SLC35F3: variants seen among roughly 807,000 people sequenced by gnomAD.
SLC35F3 encodes solute carrier family 35 member F3, also known as putative thiamine transporter SLC35F3.
A neutral mutation model predicts 49.9 loss-of-function variants in SLC35F3; 25 were observed. The observed-to-expected ratio is 0.50, with a 90% CI of 0.37 to 0.70. SLC35F3 has a LOEUF of 0.70. Among genes scored for constraint, SLC35F3 ranks in the 30% least tolerant of loss-of-function variants. SLC35F3 has a pLI of 0.00. For missense variants in SLC35F3, 525 were observed against 639.8 expected (o/e 0.82, Z 1.94); for synonymous variants, 275 against 265.4 (o/e 1.04, Z -0.35).
intron 2 of SLC35F3, among the ~76,000 whole-genome samples, chr1:233,914,697 C>A (rs1661939073): frequency 6.6e-6 from 1 of 152,146 alleles, no homozygotes; most frequent in Non-Finnish European, 1.5e-5. Context: ...GATGTGGACA[C>A]CCAGTCACTT....
chr1:234,126,313 T>C (rs1011515522), intron 2 of SLC35F3, among the ~76,000 whole-genome samples: 1 of 152,230 alleles, frequency 6.6e-6, no homozygotes, highest in Non-Finnish European at 1.5e-5. Flanking sequence ...AAAGTTTTAA[T>C]TGAAATAGTT....
chr1:234,088,585 C>G (rs1439203510), intron 2 of SLC35F3, among the ~76,000 whole-genome samples: 1 of 152,164 alleles, frequency 6.6e-6, no homozygotes, highest in Non-Finnish European at 1.5e-5. Flanking sequence ...TATTTGCTAA[C>G]TCAATAGAAG....
At chr1:234,058,541 A>T (rs2102861322) in intron 2 of SLC35F3, among the ~76,000 whole-genome samples, 1 of 151,634 alleles carries the variant, frequency 6.6e-6, no homozygotes, top group Admixed American at 6.6e-5. Flanking sequence ...ACAGGGTCTC[A>T]CTCTGTTTCC....
At chr1:233,938,045 A>G (rs1662362071) in intron 2 of SLC35F3, among the ~76,000 whole-genome samples, 1 of 152,234 alleles carries the variant, frequency 6.6e-6, no homozygotes, top group Non-Finnish European at 1.5e-5. Flanking sequence ...GCCTTGAATC[A>G]ATGCCATTGC....
chr1:233,954,708 A>C (rs1272788053), intron 2 of SLC35F3, among the ~76,000 whole-genome samples: 1 of 152,152 alleles, frequency 6.6e-6, no homozygotes, highest in Non-Finnish European at 1.5e-5. Flanking sequence ...TGAGATTAGG[A>C]CAGACATGGT....
chr1:234,204,977 C>G (rs1013092175), intron 2 of SLC35F3, among the ~76,000 whole-genome samples: 3 of 152,236 alleles, frequency 2.0e-5, no homozygotes, highest in Non-Finnish European at 2.9e-5. Context: ...TGCAGCTACT[C>G]TTCTGGTGAC....
chr1:234,036,132 A>AGTGG (rs1325953362), intron 2 of SLC35F3, among the ~76,000 whole-genome samples: 1 of 152,190 alleles, frequency 6.6e-6, no homozygotes, highest in Non-Finnish European at 1.5e-5. Context: ...GTTGGAGTGC[A>AGTGG]GTGGCATGAT....
Position 233,913,042 on chromosome 1 carries a change from A to C in SLC35F3, c.283+7284A>C, listed in dbSNP as rs894903520. Among the ~76,000 whole-genome samples the C allele has an allele frequency of 2.0e-5, 3 of 152,336 alleles. No homozygotes were observed. In the South Asian group the frequency reaches 6.2e-4, roughly 32 times the overall value. On this transcript the variant is annotated intron_variant, in intron 2 of 7. Transcript: ENST00000366618. Reference sequence around the variant, plus strand: ...GCCCTAAAAGCTTACTTACTGGAGTAGGTAAAATCTGAAGTGTTTATATGG... The same window carrying C: ...GCCCTAAAAGCTTACTTACTGGAGTCGGTAAAATCTGAAGTGTTTATATGG...
intron 2 of SLC35F3, among the ~76,000 whole-genome samples, chr1:233,927,535 G>T (rs190621223): frequency 1.3e-5 from 2 of 152,026 alleles, no homozygotes; most frequent in Non-Finnish European, 2.9e-5. Flanking sequence ...ACTAAGAGAC[G>T]CATTCTAATA....
chr1:234,099,959 A>G (rs1025409120), intron 2 of SLC35F3, among the ~76,000 whole-genome samples: 1 of 152,234 alleles, frequency 6.6e-6, no homozygotes, highest in African/African-American at 2.4e-5. Context: ...TGGAGTGTCA[A>G]TGAGTCTTAA....
At chr1:234,009,745 T>TAA in intron 2 of SLC35F3, among the ~76,000 whole-genome samples, 1 of 151,824 alleles carries the variant, frequency 6.6e-6, no homozygotes, top group East Asian at 1.9e-4. Context: ...TGTGATGCTT[T>TAA]AAAAAAAAAT....
chr1:234,146,202 CT>C (rs1420917708), intron 2 of SLC35F3, among the ~76,000 whole-genome samples: 2 of 151,970 alleles, frequency 1.3e-5, no homozygotes, highest in Non-Finnish European at 2.9e-5. Flanking sequence ...CTGAATTCCA[CT>C]GCATAAATTT....
At chr1:234,277,171 GAAACT>G (rs1260987936) in intron 3 of SLC35F3, among the ~76,000 whole-genome samples, 1 of 152,230 alleles carries the variant, frequency 6.6e-6, no homozygotes, top group Non-Finnish European at 1.5e-5. Flanking sequence ...TCCAATGAGA[GAAACT>G]AAATCCAGCT....
intron 3 of SLC35F3, among the ~76,000 whole-genome samples, chr1:234,268,366 T>C (rs560659570): frequency 6.6e-6 from 1 of 151,056 alleles, no homozygotes; most frequent in East Asian, 2.0e-4. Flanking sequence ...GTCAGGAGAA[T>C]CAGGCAGGGA....
chr1:234,035,378 T>C (rs1664126196), intron 2 of SLC35F3, among the ~76,000 whole-genome samples: 1 of 152,162 alleles, frequency 6.6e-6, no homozygotes. Flanking sequence ...TCCTGACCTT[T>C]GAATATACCT....
Position 234,231,556 on chromosome 1 carries a change from C to A in SLC35F3, c.423C>A (p.Val141=), listed in dbSNP as rs561314999. 1 of 1,614,102 alleles carries A rather than the reference C, an allele frequency of 6.2e-7. No individual in the cohort carries two copies. The highest frequency in any genetic ancestry group is 1.3e-5 in the African/African-American group (1 of 75,048). The change falls in exon 3 of 8, where the codon GTC becomes GTA. Residue 141 remains valine (V), a synonymous_variant. Coordinates refer to ENST00000366618, the MANE Select transcript of SLC35F3 (RefSeq NM_173508.4). The surrounding 1 kb of genome is among the most constrained non-coding windows in gnomAD (Gnocchi z 5.4). ...AGAAGATCTTCTGGGGCGTGGCGGT[C>A]GTGCTGTGCGTGTGCTCCTCGTGGG... The part of the protein sequence containing the change: ...QLKKIFWGVA[V]VLCVCSSWAG...
intron 3 of SLC35F3, among the ~76,000 whole-genome samples, chr1:234,290,954 T>C (rs990424060): frequency 9.9e-5 from 15 of 152,152 alleles, no homozygotes; most frequent in African/African-American, 2.9e-4. Context: ...TTACTGAAGA[T>C]TGGATTGGGG....
At chr1:234,040,906 G>T (rs936286213) in intron 2 of SLC35F3, among the ~76,000 whole-genome samples, 3 of 152,220 alleles carry the variant, frequency 2.0e-5, no homozygotes, top group Non-Finnish European at 2.9e-5. Flanking sequence ...AATTCAACCA[G>T]ACTCTGCAGC....
At chr1:234,222,536 T>C (rs548991147) in intron 2 of SLC35F3, among the ~76,000 whole-genome samples, 2 of 152,316 alleles carry the variant, frequency 1.3e-5, no homozygotes, top group South Asian at 2.1e-4. Flanking sequence ...GGACCAGAGA[T>C]GCCATACTCC....
Sources: allele counts gnomAD v4.1 joint callset (sites outside exome capture counted in the v4.1 genomes callset), GRCh38; gene constraint gnomAD v4.1.1; non-coding constraint Gnocchi (gnomAD v3.1); transcripts MANE v1.5; gene names NCBI Gene and HGNC (gene_info 2026-07-23, HGNC 2026-07-21).